CRTC2: variants seen among roughly 807,000 people sequenced by gnomAD.
CRTC2 encodes CREB-regulated transcription coactivator 2.
Under a neutral mutation model 70.9 loss-of-function variants are expected in CRTC2, and 25 were observed. The ratio of observed to expected loss-of-function variants is 0.35; its 90% CI spans 0.26 to 0.49. CRTC2 has a LOEUF of 0.49. Among genes scored for constraint, CRTC2 ranks in the 20% least tolerant of loss-of-function variants. The pLI, the probability that CRTC2 is intolerant of heterozygous loss-of-function variation, is 0.98. For missense variants in CRTC2, 737 were observed against 882.6 expected (o/e 0.83, Z 2.09); for synonymous variants, 330 against 364.1 (o/e 0.91, Z 1.07).
At position 153,949,204 on chromosome 1, in the gene CRTC2, A is replaced by C. The variant is rs1680188833; in HGVS notation, c.1585T>G (p.Ser529Ala). 2 of 1,613,904 alleles carry C rather than the reference A, an allele frequency of 1.2e-6. No homozygotes were observed. The highest frequency in any genetic ancestry group is 2.7e-5 in the African/African-American group (2 of 74,878). The change falls in exon 12 of 14, where the codon TCT (serine) becomes GCT (alanine). Residue 529 changes from serine (S) to alanine (A), a missense_variant. Coordinates refer to ENST00000368633, the MANE Select transcript of CRTC2 (RefSeq NM_181715.3). ...SSGGQPPGRQ[S>A]HYGTPYPPGP... The stretch of plus-strand genomic sequence containing the variant: ...GGTGGGTACGGTGTCCCATAATGAG[A>C]CTGCCTGCCTGGGGGCTGCCCACCT...
At chr1:153,954,595 C>T (rs1207816358) in intron 3 of CRTC2, among the ~76,000 whole-genome samples, 1 of 152,190 alleles carries the variant, frequency 6.6e-6, no homozygotes, top group Non-Finnish European at 1.5e-5. Flanking sequence ...GACCCAATCT[C>T]CTTTAGCAGG....
chr1:153,958,259 C>T, intron 1 of CRTC2, 86 bp downstream of exon 1: 3 of 1,525,046 alleles, frequency 2.0e-6, no homozygotes, highest in Non-Finnish European at 2.6e-6. Flanking sequence ...GCCTCCTTCG[C>T]TGCGGCGCCC....
rs1233469899 is a variant in CRTC2, at chr1:153,958,562, C to T, written c.-65G>A. The stretch of plus-strand genomic sequence containing the variant: ...GCCGCGGCCTCCGCCGCGGCCTCGG[C>T]CCGGCTCCTCCAGCCGTAGCCACCG... On this transcript the variant is annotated 5_prime_UTR_variant, in exon 1 of 14. Transcript: ENST00000368633. 7 of 1,458,080 alleles carry T rather than the reference C, an allele frequency of 4.8e-6. No individual in the cohort carries two copies. The Admixed American group carries it at 1.6e-4, about 33-fold the overall frequency. The allele number at this position is 1,458,080 out of a possible 1,614,324, so 90.3% of individuals were successfully genotyped here. A position where few individuals can be genotyped will look rare whatever the true frequency, so the allele number is the denominator to read the frequency against.
At position 153,947,811 on chromosome 1, in the gene CRTC2, C is replaced by G; in HGVS notation, c.*298G>C. On this transcript the variant is annotated 3_prime_UTR_variant, in exon 14 of 14. Transcript: ENST00000368633. ...GCCCACCCCTAGGCATCCGGAAAAGCCCTGCTTCCAGGGCTCCCCTCTACC... is the reference window on the plus strand; with the variant it reads ...GCCCACCCCTAGGCATCCGGAAAAGGCCTGCTTCCAGGGCTCCCCTCTACC... 1 of 441,374 alleles carries G rather than the reference C, an allele frequency of 2.3e-6. No homozygotes were observed. Among genetic ancestry groups the G allele is most frequent in the Admixed American group, 3.6e-5 (1 of 27,790 alleles). The allele number at this position is 441,374 out of a possible 1,614,324, so 27.3% of individuals were successfully genotyped here.
chr1:153,951,232 G>A (rs1680297346), intron 11 of CRTC2, 28 bp downstream of exon 11: 1 of 1,609,474 alleles, frequency 6.2e-7, no homozygotes, highest in African/African-American at 1.3e-5. Context: ...AAGGGAGACA[G>A]ACATGCAGGG....
rs367678333 is a variant in CRTC2 at position 153,951,900 on chromosome 1, C to A, written c.997+118G>T. The A allele has an allele frequency of 5.0e-5, 68 of 1,366,108 alleles. No homozygotes were observed. In the East Asian group the frequency reaches 5.3e-4, roughly 11 times the overall value. The allele number at this position is 1,366,108 out of a possible 1,614,324, so 84.6% of individuals were successfully genotyped here. On this transcript the variant is annotated intron_variant, in intron 10 of 13. Coordinates refer to ENST00000368633, the MANE Select transcript of CRTC2 (RefSeq NM_181715.3). ...ACTGCCGTGAGGGAATCCTGGGGTGCAGAGGTGACAGGCGGTGTGGGTGAT... is the reference window on the plus strand; with the variant it reads ...ACTGCCGTGAGGGAATCCTGGGGTGAAGAGGTGACAGGCGGTGTGGGTGAT...
intron 11 of CRTC2, 78 bp from the exon 12 acceptor site, chr1:153,949,462 T>G: frequency 7.0e-7 from 1 of 1,436,106 alleles, no homozygotes; most frequent in South Asian, 1.4e-5. Context: ...TCCCACCTTC[T>G]TTAGCTACAA....
Position 153,948,322 on chromosome 1 carries a change from G to A in CRTC2, c.1869C>T (p.Ser623=). The change falls in exon 14 of 14, where the codon TCC becomes TCT. Residue 623 remains serine (S), a synonymous_variant. Transcript: ENST00000368633. ...SGPNIILTGD[S]SPGFSKEIAA... ...CAATCTCCTTAGAGAAACCTGGAGA[G>A]GAGTCCCCTGTGGGTAGAAGAGACA... The A allele has an allele frequency of 6.2e-7, 1 of 1,614,256 alleles. No individual in the cohort carries two copies. The highest frequency in any genetic ancestry group is 8.5e-7 in the Non-Finnish European group (1 of 1,180,046).
At chr1:153,957,584 C>T (rs911694205) in intron 1 of CRTC2, among the ~76,000 whole-genome samples, 2 of 152,080 alleles carry the variant, frequency 1.3e-5, no homozygotes, top group Non-Finnish European at 2.9e-5. Context: ...ATTCTCAACA[C>T]ATAGAAGACC....
rs1053821557 is a variant in CRTC2 at position 153,949,490 on chromosome 1, A to T, written c.1405-106T>A. Reference sequence around the variant, plus strand: ...AGCTACAACCATTCCCAAAACAAACATGACAACATTCCACATTCTCACGGG... The same window carrying T: ...AGCTACAACCATTCCCAAAACAAACTTGACAACATTCCACATTCTCACGGG... On this transcript the variant is annotated intron_variant, in intron 11 of 13. Coordinates refer to ENST00000368633, the MANE Select transcript of CRTC2 (RefSeq NM_181715.3). The T allele has an allele frequency of 5.3e-5, 65 of 1,219,308 alleles. No individual in the cohort carries two copies. The African/African-American group carries it at 9.6e-4, about 18-fold the overall frequency. The allele number at this position is 1,219,308 out of a possible 1,614,324, so 75.5% of individuals were successfully genotyped here. A position where few individuals can be genotyped will look rare whatever the true frequency, so the allele number is the denominator to read the frequency against.
At chr1:153,948,870 C>T (rs777437591) in intron 12 of CRTC2, 17 of 740,094 alleles carry the variant, frequency 2.3e-5, no homozygotes, top group South Asian at 1.9e-4. Flanking sequence ...AGGAAGAGAA[C>T]GGGTCAAGGC....
Position 153,958,356 on chromosome 1 carries a change from C to T in CRTC2, c.142G>A (p.Gly48Ser), listed in dbSNP as rs1408474256. The change falls in exon 1 of 14, where the codon GGC becomes AGC. Residue 48 changes from glycine (G) to serine (S), a missense_variant. Coordinates refer to ENST00000368633, the MANE Select transcript of CRTC2 (RefSeq NM_181715.3). ...AAFEEVMMDI[G>S]STRLQAQKLR... ...GCGCGGCCCCTCACCCGGGTGGAGC[C>T]GATGTCCATCATCACCTCCTCGAAG... 12 of 1,612,426 alleles carry T rather than the reference C, an allele frequency of 7.4e-6. No homozygotes were observed. Among genetic ancestry groups the T allele is most frequent in the South Asian group, 2.2e-5 (2 of 91,002 alleles).
At chr1:153,957,042 G>A (rs78414316) in intron 1 of CRTC2, among the ~76,000 whole-genome samples, 1 of 152,160 alleles carries the variant, frequency 6.6e-6, no homozygotes, top group East Asian at 1.9e-4. Flanking sequence ...AAGGGGAGCA[G>A]TCTACAGTTA....
In CRTC2 at chr1:153,951,342, G is replaced by A. The variant is rs1473728185; in HGVS notation, c.1322C>T (p.Pro441Leu). ...CTGTTGGGACCTTCTGGCGTCGGCTGGGCCCGCGAGCAAACTCAGGGGGCT... is the reference window on the plus strand; with the variant it reads ...CTGTTGGGACCTTCTGGCGTCGGCTAGGCCCGCGAGCAAACTCAGGGGGCT... ...PLSPLSLLAG[P>L]ADARRSQQQL... The change falls in exon 11 of 14, where the codon CCA (proline) becomes CTA (leucine). Residue 441 changes from proline to leucine, a missense_variant. This residue lies in a region of CRTC2 where 699 missense variants were observed against 823.7 expected (regional missense o/e 0.85). Coordinates refer to ENST00000368633, the MANE Select transcript of CRTC2 (RefSeq NM_181715.3). 1 of 1,613,770 alleles carries A rather than the reference G, an allele frequency of 6.2e-7. No homozygotes were observed.
intron 1 of CRTC2, 184 bp downstream of exon 1, chr1:153,958,161 G>A: frequency 7.1e-7 from 1 of 1,418,366 alleles, no homozygotes; most frequent in East Asian, 2.6e-5. Flanking sequence ...CGGTGTTTCG[G>A]TCTCCCCCGG....
rs2102114762 is a variant in CRTC2, at chr1:153,953,543, A to C, written c.498T>G (p.Leu166=). The C allele has an allele frequency of 6.2e-7, 1 of 1,611,130 alleles. No homozygotes were observed. The highest frequency in any genetic ancestry group is 2.2e-5 in the East Asian group (1 of 44,686). Residue 166 remains leucine, a synonymous_variant, in exon 5 of 14, where the codon CTT becomes CTG. Coordinates refer to ENST00000368633, the MANE Select transcript of CRTC2 (RefSeq NM_181715.3). ...AAGAAGGCAAAAGCCATCACCTGTT[A>C]AGTGCAGATGGTAGTCGAAACAACT... is the stretch of plus-strand genomic sequence containing the variant. The part of the protein sequence containing the change: ...KGQLFRLPSA[L]NRTSSDSALH...
chr1:153,958,597 C>G lies in CRTC2; in HGVS notation c.-100G>C, dbSNP rs1433634567. 2.4e-6 allele frequency: 3 copies of G among 1,234,554 alleles called. No homozygotes were observed. The highest frequency in any genetic ancestry group is 3.3e-6 in the Non-Finnish European group (3 of 909,692). 76.5% of individuals were successfully genotyped at this position (1,234,554 alleles called of 1,614,324 possible). Reference sequence around the variant, plus strand: ...CCAGCCGTAGCCACCGCCGCCTCAGCGAGCACCGCGAACCCGGCCCCAGCC... The same window carrying G: ...CCAGCCGTAGCCACCGCCGCCTCAGGGAGCACCGCGAACCCGGCCCCAGCC... On this transcript the variant is annotated 5_prime_UTR_variant, in exon 1 of 14. Transcript: ENST00000368633.
At chr1:153,950,191 G>C (rs1318816264) in intron 11 of CRTC2, among the ~76,000 whole-genome samples, 1 of 152,234 alleles carries the variant, frequency 6.6e-6, no homozygotes, top group African/African-American at 2.4e-5. Flanking sequence ...GGGATTACAG[G>C]CATAAGCCAC....
chr1:153,956,188 C>T (rs571851475), intron 1 of CRTC2, among the ~76,000 whole-genome samples: 1 of 152,330 alleles, frequency 6.6e-6, no homozygotes, highest in African/African-American at 2.4e-5. Flanking sequence ...GGAAAAACAG[C>T]ACCAAAACCA....
Sources: allele counts gnomAD v4.1 joint callset (sites outside exome capture counted in the v4.1 genomes callset), GRCh38; gene constraint gnomAD v4.1.1; regional missense constraint gnomAD v4.1.1; transcripts MANE v1.5; gene names NCBI Gene and HGNC (gene_info 2026-07-23, HGNC 2026-07-21).